The following KCNIP4 variants were observed in gnomAD, a reference collection of about 807,000 sequenced individuals.
KCNIP4 encodes the protein potassium voltage-gated channel interacting protein 4, also known as Kv channel-interacting protein 4.
Under a neutral mutation model 34.0 loss-of-function variants are expected in KCNIP4, and 12 were observed. The ratio of observed to expected loss-of-function variants is 0.35; its 90% CI spans 0.23 to 0.57. The LOEUF (loss-of-function observed/expected upper bound fraction) is 0.57, where lower values mean the gene tolerates loss of function less well. Among genes scored for constraint, KCNIP4 ranks in the 20% least tolerant of loss-of-function variants. The probability of loss-of-function intolerance (pLI) is 0.83; values close to 1 mark genes in which losing one functional copy is unlikely to be tolerated. For missense variants in KCNIP4, 238 were observed against 311.7 expected (o/e 0.76, Z 1.78); for synonymous variants, 124 against 102.2 (o/e 1.21, Z -1.29).
At chr4:21,273,603 T>G (rs915635952) in intron 1 of KCNIP4, among the ~76,000 whole-genome samples, 18 of 152,226 alleles carry the variant, frequency 1.2e-4, no homozygotes, top group Non-Finnish European at 2.5e-4. Context: ...ATTCATAACA[T>G]TTCCTCAATT....
In KCNIP4 at chr4:20,931,953, C is replaced by G. The variant is rs552270591; in HGVS notation, c.62-49244G>C. ...TATTGTAGACTATAATAGTCTATAA[C>G]AGTCTAATATTGTAGACTATAATAG... On this transcript the variant is annotated intron_variant, in intron 1 of 8. Transcript: ENST00000382152. 2.3e-3 allele frequency among the ~76,000 whole-genome samples: 274 copies of G among 120,654 alleles called. 12 individuals are homozygous for G. The highest frequency in any genetic ancestry group is 6.9e-3 in the African/African-American group (214 of 31,066). The allele number at this position is 120,654 out of a possible 152,430, so 79.2% of individuals were successfully genotyped here. A position where few individuals can be genotyped will look rare whatever the true frequency, so the allele number is the denominator to read the frequency against.
intron 1 of KCNIP4, among the ~76,000 whole-genome samples, chr4:21,339,612 T>A (rs184577844): frequency 4.6e-4 from 70 of 152,182 alleles, no homozygotes; most frequent in African/African-American, 1.5e-3. Context: ...GTGGGAAAAT[T>A]AGGAAGACAT....
intron 1 of KCNIP4, among the ~76,000 whole-genome samples, chr4:21,918,336 G>A (rs936438498): frequency 1.3e-5 from 2 of 152,132 alleles, no homozygotes; most frequent in African/African-American, 4.8e-5. Context: ...ACAGTAAGCG[G>A]GAGATATAGG....
chr4:21,178,150 TCTG>T (rs1268854012), intron 1 of KCNIP4, among the ~76,000 whole-genome samples: 1 of 152,190 alleles, frequency 6.6e-6, no homozygotes. Context: ...AGTTTAATTA[TCTG>T]CCTTAGAAAT....
chr4:21,922,531 T>C (rs1474155840), intron 1 of KCNIP4, among the ~76,000 whole-genome samples: 1 of 152,192 alleles, frequency 6.6e-6, no homozygotes, highest in African/African-American at 2.4e-5. Context: ...AGAAAAGACA[T>C]TTTGGAGCTA....
chr4:21,781,768 T>A (rs891053567), intron 1 of KCNIP4, among the ~76,000 whole-genome samples: 1 of 152,138 alleles, frequency 6.6e-6, no homozygotes, highest in South Asian at 2.1e-4. Context: ...TTAGTATATA[T>A]ACATGAGATA....
chr4:21,324,162 A>G (rs1280249409), intron 1 of KCNIP4, among the ~76,000 whole-genome samples: 5 of 149,648 alleles, frequency 3.3e-5, no homozygotes, highest in African/African-American at 1.2e-4. Flanking sequence ...CCTTTGTCTG[A>G]TGCAGTTTGT....
intron 1 of KCNIP4, among the ~76,000 whole-genome samples, chr4:21,652,439 C>G (rs899665614): frequency 1.4e-4 from 22 of 152,040 alleles, no homozygotes; most frequent in African/African-American, 4.8e-4. Context: ...GTGGAACACC[C>G]ACTTAGTGAC....
intron 1 of KCNIP4, among the ~76,000 whole-genome samples, chr4:21,294,354 C>T (rs540807283): frequency 1.6e-4 from 25 of 152,272 alleles, no homozygotes; most frequent in African/African-American, 5.5e-4. Context: ...TGAACCAAAG[C>T]CTGGTTCCCA....
intron 1 of KCNIP4, among the ~76,000 whole-genome samples, chr4:21,282,896 A>G (rs934791732): frequency 1.3e-5 from 2 of 152,172 alleles, no homozygotes; most frequent in African/African-American, 2.4e-5. Flanking sequence ...TGCCACCCAA[A>G]TACTTGCACA....
At chr4:21,257,749 C>CAA (rs34379604) in intron 1 of KCNIP4, among the ~76,000 whole-genome samples, 1 of 103,488 alleles carries the variant, frequency 9.7e-6, no homozygotes, top group Non-Finnish European at 1.9e-5. Context: ...GACTCAGTCT[C>CAA]AAAAAAAAAA....
intron 1 of KCNIP4, among the ~76,000 whole-genome samples, chr4:21,941,299 T>G (rs971421103): frequency 1.3e-5 from 2 of 152,028 alleles, no homozygotes; most frequent in Non-Finnish European, 2.9e-5. Flanking sequence ...AAAGACAGAT[T>G]GTGGGGGAAT....
At chr4:21,095,124 T>C (rs1477121733) in intron 1 of KCNIP4, among the ~76,000 whole-genome samples, 1 of 152,172 alleles carries the variant, frequency 6.6e-6, no homozygotes, top group African/African-American at 2.4e-5. Flanking sequence ...AACAGTAGGG[T>C]TATTAATTAA....
At chr4:20,882,144 G>T (rs1724762358) in intron 2 of KCNIP4, among the ~76,000 whole-genome samples, 1 of 152,174 alleles carries the variant, frequency 6.6e-6, no homozygotes, top group Admixed American at 6.5e-5. Flanking sequence ...AATCAACAAA[G>T]AAGAAAAGTC....
chr4:21,368,453 C>T lies in KCNIP4; in HGVS notation c.62-485744G>A, dbSNP rs562637988. On this transcript the variant is annotated intron_variant, in intron 1 of 8. Transcript: ENST00000382152. Reference sequence around the variant, plus strand: ...AAATGTATGGAACACATAATATGTGCCAGGTCCTGTTCAAAAAAATTTACA... The same window carrying T: ...AAATGTATGGAACACATAATATGTGTCAGGTCCTGTTCAAAAAAATTTACA... 7.0e-4 allele frequency among the ~76,000 whole-genome samples: 103 copies of T among 147,316 alleles called. 18 individuals carry two copies. Among genetic ancestry groups the T allele is most frequent in the African/African-American group, 2.7e-3 (100 of 36,978 alleles).
At chr4:20,849,249 A>G (rs1487934494) in intron 3 of KCNIP4, among the ~76,000 whole-genome samples, 7 of 152,084 alleles carry the variant, frequency 4.6e-5, no homozygotes, top group Non-Finnish European at 1.0e-4. Flanking sequence ...GTCTTTGCAG[A>G]TGATCAAATT....
At chr4:21,153,137 A>G (rs1475847006) in intron 1 of KCNIP4, among the ~76,000 whole-genome samples, 1 of 152,166 alleles carries the variant, frequency 6.6e-6, no homozygotes, top group Non-Finnish European at 1.5e-5. Flanking sequence ...AGGTGTATGC[A>G]CAGGCTAGAC....
intron 1 of KCNIP4, chr4:21,304,515 G>C (rs1165503657): frequency 6.6e-6 from 1 of 152,262 alleles, no homozygotes; most frequent in African/African-American, 2.4e-5. Flanking sequence ...TGCAGACAGG[G>C]AGCAGAGCAC....
chr4:21,100,742 T>C (rs1747861155), intron 1 of KCNIP4, among the ~76,000 whole-genome samples: 1 of 152,164 alleles, frequency 6.6e-6, no homozygotes, highest in African/African-American at 2.4e-5. Context: ...GGTGTGTACA[T>C]TGTTTTTTTA....
Sources: allele counts gnomAD v4.1 joint callset (sites outside exome capture counted in the v4.1 genomes callset), GRCh38; gene constraint gnomAD v4.1.1; transcripts MANE v1.5; gene names NCBI Gene and HGNC (gene_info 2026-07-23, HGNC 2026-07-21).